Variants in AGBL1 observed in about 807,000 individuals in gnomAD.
AGBL1 encodes the protein cytosolic carboxypeptidase 4.
AGBL1 carries 130 observed loss-of-function variants against 118.9 expected under a neutral mutation model. That is an observed-to-expected ratio of 1.09 (90% CI 0.95 to 1.26). The LOEUF (loss-of-function observed/expected upper bound fraction) is 1.26, where lower values mean the gene tolerates loss of function less well. AGBL1 is among the 50% of genes most tolerant of loss of function. AGBL1 has a pLI of 0.00. For synonymous variants in AGBL1, 555 were observed against 478.9 expected (o/e 1.16, Z -2.08); for missense variants, 1,584 against 1,298.1 (o/e 1.22, Z -3.38).
At chr15:86,784,803 A>G (rs540036542) in intron 22 of AGBL1, among the ~76,000 whole-genome samples, 1 of 152,286 alleles carries the variant, frequency 6.6e-6, no homozygotes, top group Admixed American at 6.5e-5. Context: ...AGTTCCTACA[A>G]GGCATTAGGT....
chr15:86,282,817 A>G (rs1024314751), intron 16 of AGBL1, among the ~76,000 whole-genome samples: 5 of 152,236 alleles, frequency 3.3e-5, no homozygotes, highest in Non-Finnish European at 4.4e-5. Context: ...GCTGAGGGGT[A>G]GAAAATACGT....
At chr15:86,946,786 G>A (rs2080827385) in intron 23 of AGBL1, among the ~76,000 whole-genome samples, 1 of 140,138 alleles carries the variant, frequency 7.1e-6, no homozygotes, top group Non-Finnish European at 1.5e-5. Flanking sequence ...GGAGGTTGCA[G>A]TGAGCCAAAA....
At chr15:86,330,734 C>T (rs765213597) in intron 17 of AGBL1, among the ~76,000 whole-genome samples, 29 of 151,972 alleles carry the variant, frequency 1.9e-4, no homozygotes, top group Admixed American at 6.6e-4. Context: ...ACTTCTAAAG[C>T]AATCCAGGAA....
intron 17 of AGBL1, among the ~76,000 whole-genome samples, chr15:86,331,237 A>C (rs1248115342): frequency 2.0e-5 from 3 of 151,934 alleles, no homozygotes. Flanking sequence ...AAAAAAAAAA[A>C]AAAAACAAAG....
chr15:86,931,566 T>TTGCTGCTGCTGCTGCTGCTGCTGCTGC (rs59067780), intron 23 of AGBL1, among the ~76,000 whole-genome samples: 45 of 150,524 alleles, frequency 3.0e-4, no homozygotes, highest in South Asian at 6.3e-4. Context: ...AGTGGTGCTT[T>TTGCTGCTGCTGCTGCTGCTGCTGCTGC]TGCTGCTGCT....
At chr15:86,856,792 A>C (rs1305079498) in intron 22 of AGBL1, among the ~76,000 whole-genome samples, 5 of 152,244 alleles carry the variant, frequency 3.3e-5, no homozygotes, top group African/African-American at 1.2e-4. Flanking sequence ...TTACACGCTT[A>C]GATATTTTGT....
At chr15:86,138,041 C>T (rs543148940) in intron 1 of AGBL1, among the ~76,000 whole-genome samples, 1 of 152,246 alleles carries the variant, frequency 6.6e-6, no homozygotes, top group South Asian at 2.1e-4. Context: ...CATTCCTTAG[C>T]TTGAGAAATT....
chr15:86,970,625 T>G (rs1251377328), intron 23 of AGBL1, among the ~76,000 whole-genome samples: 1 of 151,988 alleles, frequency 6.6e-6, no homozygotes, highest in South Asian at 2.1e-4. Context: ...TAGGTTTGAT[T>G]TGATAATGCA....
intron 22 of AGBL1, among the ~76,000 whole-genome samples, chr15:86,772,968 C>A (rs1039339231): frequency 1.3e-5 from 2 of 151,950 alleles, no homozygotes; most frequent in African/African-American, 4.8e-5. Flanking sequence ...AACCAGTGAA[C>A]CCTTAACGTG....
intron 22 of AGBL1, among the ~76,000 whole-genome samples, chr15:86,688,860 C>A (rs1387686983): frequency 6.6e-6 from 1 of 152,050 alleles, no homozygotes. Context: ...CTTTGTAATT[C>A]ATTCGTCACT....
chr15:86,765,217 A>G (rs914032822), intron 22 of AGBL1, among the ~76,000 whole-genome samples: 2 of 151,958 alleles, frequency 1.3e-5, no homozygotes, highest in African/African-American at 2.4e-5. Context: ...GAAATTCCCT[A>G]TGTTCAGTTT....
intron 1 of AGBL1, among the ~76,000 whole-genome samples, chr15:86,129,573 A>G (rs145410284): frequency 6.6e-6 from 1 of 152,344 alleles, no homozygotes; most frequent in Non-Finnish European, 1.5e-5. Context: ...GTTCTCAACC[A>G]GGGCCAAGTT....
chr15:86,902,964 A>G (rs2080231722), intron 22 of AGBL1, among the ~76,000 whole-genome samples: 1 of 152,094 alleles, frequency 6.6e-6, no homozygotes, highest in South Asian at 2.1e-4. Flanking sequence ...ATAGTTTAGG[A>G]CATTTTCAGA....
intron 23 of AGBL1, among the ~76,000 whole-genome samples, chr15:86,965,133 T>C (rs1402596292): frequency 1.3e-5 from 2 of 152,172 alleles, no homozygotes; most frequent in Non-Finnish European, 2.9e-5. Flanking sequence ...TTATAATCCT[T>C]TGGGTACATA....
chr15:86,830,823 A>G (rs2079094997), intron 22 of AGBL1, among the ~76,000 whole-genome samples: 1 of 152,192 alleles, frequency 6.6e-6, no homozygotes, highest in African/African-American at 2.4e-5. Flanking sequence ...CCATACCACT[A>G]AGAGTACTTA....
intron 23 of AGBL1, among the ~76,000 whole-genome samples, chr15:86,927,000 G>A (rs2080547939): frequency 6.6e-6 from 1 of 152,032 alleles, no homozygotes; most frequent in African/African-American, 2.4e-5. Context: ...TTAGCCTGGT[G>A]TGGTGGTGGG....
chr15:86,673,861 C>G (rs1447138025), intron 21 of AGBL1, among the ~76,000 whole-genome samples: 1 of 152,030 alleles, frequency 6.6e-6, no homozygotes, highest in Non-Finnish European at 1.5e-5. Flanking sequence ...CCGATAAATT[C>G]AGAGGAAGGA....
intron 23 of AGBL1, among the ~76,000 whole-genome samples, chr15:86,970,846 C>T (rs920245888): frequency 1.3e-4 from 19 of 151,882 alleles, no homozygotes; most frequent in African/African-American, 2.7e-4. Flanking sequence ...ACAGATTCAA[C>T]GAACTGAGGT....
intron 22 of AGBL1, among the ~76,000 whole-genome samples, chr15:86,760,248 T>C (rs72750009): frequency 0.034 from 5,160 of 152,154 alleles, 134 homozygotes; most frequent in Non-Finnish European, 0.051. Context: ...ACTAAATTGT[T>C]CCTGGCTAAT....
Sources: allele counts gnomAD v4.1 joint callset (sites outside exome capture counted in the v4.1 genomes callset), GRCh38; gene constraint gnomAD v4.1.1; transcripts MANE v1.5; gene names NCBI Gene and HGNC (gene_info 2026-07-23, HGNC 2026-07-21).